The following CAPN2 variants were observed in gnomAD, a reference collection of about 807,000 sequenced individuals.
CAPN2 encodes calpain-2 catalytic subunit.
A neutral mutation model predicts 102.3 loss-of-function variants in CAPN2; 92 were observed. The ratio of observed to expected loss-of-function variants is 0.90; its 90% CI spans 0.76 to 1.07. CAPN2 has a LOEUF of 1.07. CAPN2 is among the 50% of genes least tolerant of loss of function. CAPN2 has a pLI of 0.00. For missense variants in CAPN2, 800 were observed against 909.4 expected, an observed-to-expected ratio of 0.88 and a Z score of 1.55; for synonymous variants, 340 against 355.4, an observed-to-expected ratio of 0.96 and a Z score of 0.49.
intron 2 of CAPN2, among the ~76,000 whole-genome samples, chr1:223,742,854 C>G (rs900114874): frequency 2.0e-5 from 3 of 152,092 alleles, no homozygotes; most frequent in African/African-American, 7.2e-5. Context: ...TGTCAATTGG[C>G]GAAAATAAAT....
At chr1:223,711,942 TGAGC>T (rs1659739414), upstream of CAPN2, among the ~76,000 whole-genome samples, 1 of 152,196 alleles carries the variant, frequency 6.6e-6, no homozygotes, top group African/African-American at 2.4e-5. Context: ...AATAAACAGC[TGAGC>T]AGTAGTAATT....
At chr1:223,753,518 C>G (rs542322197) in intron 9 of CAPN2, among the ~76,000 whole-genome samples, 1 of 152,346 alleles carries the variant, frequency 6.6e-6, no homozygotes, top group African/African-American at 2.4e-5. Context: ...GCCTTCATGG[C>G]TTAGTCCGTC....
chr1:223,752,938 G>A lies in CAPN2; in HGVS notation c.1117G>A (p.Gly373Ser). The A allele has an allele frequency of 2.5e-6, 4 of 1,614,120 alleles. No individual in the cohort carries two copies. Among genetic ancestry groups the A allele is most frequent in the Non-Finnish European group, 3.4e-6 (4 of 1,180,006 alleles). ...CTGGAGGCGGGGCTCCACCGCGGGAGGTTGCAGGAACTACCCGAGTAAGGG... is the reference window on the plus strand; with the variant it reads ...CTGGAGGCGGGGCTCCACCGCGGGAAGTTGCAGGAACTACCCGAGTAAGGG... ...GNWRRGSTAG[G>S]CRNYPNTFWM... is the part of the protein sequence containing the mutation. Residue 373 changes from glycine to serine, a missense_variant, in exon 9 of 21, where the codon GGT becomes AGT. By Grantham distance (56) the Gly-to-Ser change is moderately conservative. Coordinates refer to ENST00000295006, the MANE Select transcript of CAPN2 (RefSeq NM_001748.5).
chr1:223,702,433 CA>C (rs796432752), intron 1 of CAPN2, among the ~76,000 whole-genome samples: 1 of 137,392 alleles, frequency 7.3e-6, no homozygotes, highest in African/African-American at 2.7e-5. Context: ...TCTAAAAAAA[CA>C]AAAAAAAAGA....
Position 223,772,216 on chromosome 1 carries a change from A to G in CAPN2, c.2056A>G (p.Thr686Ala). Reference protein sequence around the residue: ...FKQLDPENTGTIELDLISWLC... With the variant: ...FKQLDPENTGAIELDLISWLC... ...GCAGCTGGATCCCGAGAATACTGGA[A>G]CAATAGAGCTCGACCTTATCTCTGT... Residue 686 changes from threonine to alanine, a missense_variant, in exon 20 of 21, where the codon ACA becomes GCA. By Grantham distance (58) the Thr-to-Ala change is moderately conservative (BLOSUM62 0). Transcript: ENST00000295006. 1 of 1,614,120 alleles carries G rather than the reference A, an allele frequency of 6.2e-7. No homozygotes were observed. Among genetic ancestry groups the G allele is most frequent in the Non-Finnish European group, 8.5e-7 (1 of 1,180,002 alleles).
chr1:223,746,888 A>AG, intron 4 of CAPN2, 109 bp from the exon 5 acceptor site: 1 of 914,660 alleles, frequency 1.1e-6, no homozygotes, highest in South Asian at 2.8e-5. Flanking sequence ...GAATGTGAGC[A>AG]GGGGGTCCCT....
chr1:223,755,454 G>T lies in CAPN2; in HGVS notation c.1136-26G>T, dbSNP rs989215310. On this transcript the variant is annotated intron_variant, in intron 9 of 20. Coordinates refer to ENST00000295006, the MANE Select transcript of CAPN2 (RefSeq NM_001748.5). The surrounding 1 kb of genome is among the most constrained non-coding windows in gnomAD (Gnocchi z 4.1). Reference sequence around the variant, plus strand: ...CCCATGCATTCCTGCTCAGGGCTGGGCTCCTCTGCCCCTTTCTGGCTGCAG... The same window carrying T: ...CCCATGCATTCCTGCTCAGGGCTGGTCTCCTCTGCCCCTTTCTGGCTGCAG... 28 of 1,612,756 alleles carry T rather than the reference G, an allele frequency of 1.7e-5. No individual in the cohort carries two copies. In the Admixed American group the frequency reaches 4.5e-4, roughly 26 times the overall value.
intron 1 of CAPN2, among the ~76,000 whole-genome samples, chr1:223,707,238 C>T (rs926100640): frequency 1.3e-5 from 2 of 151,040 alleles, no homozygotes; most frequent in East Asian, 2.0e-4. Flanking sequence ...CTCTTATTTT[C>T]TCTCTCTCTC....
At position 223,749,250 on chromosome 1, in the gene CAPN2, C is replaced by G. The variant is rs115436775; in HGVS notation, c.813+128C>G. On this transcript the variant is annotated intron_variant, in intron 6 of 20. Transcript: ENST00000295006. ...CCAGTTTACACTCGGGCCCCGCACT[C>G]CTGAAGTTCCGCGCGGGAGGAGAAG... 3,584 of 764,054 alleles carry G rather than the reference C, an allele frequency of 4.7e-3. 93 individuals are homozygous for G. In the African/African-American group the frequency reaches 0.056, roughly 12 times the overall value. The allele number at this position is 764,054 out of a possible 1,614,324, so 47.3% of individuals were successfully genotyped here. A position where few individuals can be genotyped will look rare whatever the true frequency, so the allele number is the denominator to read the frequency against.
intron 9 of CAPN2, among the ~76,000 whole-genome samples, chr1:223,753,661 C>G (rs1190512814): frequency 6.6e-6 from 1 of 152,182 alleles, no homozygotes; most frequent in African/African-American, 2.4e-5. Flanking sequence ...GCTCCAAAAT[C>G]CAAAACTTTT....
In CAPN2 at chr1:223,744,219, G is replaced by T; in HGVS notation, c.426+1G>T. The T allele has an allele frequency of 6.3e-7, 1 of 1,594,316 alleles. No homozygotes were observed. Among genetic ancestry groups the T allele is most frequent in the Non-Finnish European group, 8.6e-7 (1 of 1,161,868 alleles). ...CTATGCAGGGATCTTTCACTTCCAG[G>T]TAACTTAATGGTTGGCTCAGGTGGT... is the stretch of plus-strand genomic sequence containing the variant. On this transcript the variant is annotated splice_donor_variant, in intron 3 of 20. Transcript: ENST00000295006. LOFTEE classifies it high-confidence loss of function.
At chr1:223,735,747 G>A (rs1240888553) in intron 2 of CAPN2, among the ~76,000 whole-genome samples, 1 of 151,114 alleles carries the variant, frequency 6.6e-6, no homozygotes, top group African/African-American at 2.4e-5. Context: ...AGGTACCCCC[G>A]CCCCTGCCAG....
intron 2 of CAPN2, among the ~76,000 whole-genome samples, chr1:223,738,827 G>T (rs1030482558): frequency 6.6e-6 from 1 of 152,366 alleles, no homozygotes; most frequent in African/African-American, 2.4e-5. Flanking sequence ...AGTGAAAGTG[G>T]TTCATGTGCA....
intron 16 of CAPN2, 117 bp downstream of exon 16, chr1:223,766,548 T>C (rs1433053171): frequency 9.8e-6 from 8 of 815,904 alleles, no homozygotes; most frequent in Non-Finnish European, 1.4e-5. Context: ...CCCAACTTGC[T>C]GAGTTGCTGT....
intron 3 of CAPN2, among the ~76,000 whole-genome samples, chr1:223,744,809 A>G (rs1660712344): frequency 6.6e-6 from 1 of 152,014 alleles, no homozygotes; most frequent in African/African-American, 2.4e-5. Flanking sequence ...TGGGAGGCCA[A>G]GGTGGGTGGA....
chr1:223,745,321 G>C lies in CAPN2; in HGVS notation c.442G>C (p.Glu148Gln), dbSNP rs546379947. 4 of 1,614,098 alleles carry C rather than the reference G, an allele frequency of 2.5e-6. No individual in the cohort carries two copies. The highest frequency in any genetic ancestry group is 2.2e-5 in the East Asian group (1 of 44,882). ...IFHFQFWQYG[E>Q]WVEVVVDDRL... ...TGTTCTGCAGTTCTGGCAATACGGC[G>C]AGTGGGTGGAGGTGGTGGTGGATGA... Residue 148 changes from glutamate (E) to glutamine (Q), a missense_variant, in exon 4 of 21, where the codon GAG becomes CAG. Transcript: ENST00000295006.
chr1:223,717,280 G>A (rs143285759), intron 1 of CAPN2, among the ~76,000 whole-genome samples: 147 of 152,294 alleles, frequency 9.7e-4, no homozygotes, highest in African/African-American at 3.3e-3. Flanking sequence ...ACGACTTCAC[G>A]GAGGAGGTGA....
At position 223,742,888 on chromosome 1, in the gene CAPN2, G is replaced by A. The variant is rs181415192; in HGVS notation, c.308-1212G>A. ...ATCCAACAGTGAATTAAACTCCTTT[G>A]AGGCTACTTCCCATTATTGTCATGG... On this transcript the variant is annotated intron_variant, in intron 2 of 20. Transcript: ENST00000295006. 8.5e-4 allele frequency among the ~76,000 whole-genome samples: 129 copies of A among 152,262 alleles called. 1 individual carries two copies. Among genetic ancestry groups the A allele is most frequent in the Admixed American group, 2.5e-3 (38 of 15,298 alleles).
chr1:223,744,538 C>G (rs767439690), intron 3 of CAPN2, among the ~76,000 whole-genome samples: 1 of 152,142 alleles, frequency 6.6e-6, no homozygotes, highest in African/African-American at 2.4e-5. Flanking sequence ...AAGTTCTCCT[C>G]CTTTTATGCC....
Sources: gnomAD v4.1 joint callset for allele counts (sites outside exome capture counted in the v4.1 genomes callset) on GRCh38, gnomAD v4.1.1 for gene constraint, Gnocchi (gnomAD v3.1) non-coding constraint, MANE v1.5 for transcripts, NCBI Gene and HGNC (gene_info 2026-07-23, HGNC 2026-07-21) for gene names.